The following VWC2 variants were observed in gnomAD, a reference collection of about 807,000 sequenced individuals.
VWC2 encodes the protein brorin.
In VWC2, 14 loss-of-function variants were observed where a neutral mutation model predicts 29.8. The ratio of observed to expected loss-of-function variants is 0.47; its 90% CI spans 0.31 to 0.74. VWC2 has a LOEUF of 0.74. Among genes scored for constraint, VWC2 ranks in the 30% least tolerant of loss-of-function variants. VWC2 has a pLI of 0.05. For missense variants in VWC2, 457 were observed against 459.8 expected (o/e 0.99, Z 0.05); for synonymous variants, 213 against 199.0 (o/e 1.07, Z -0.59).
intron 3 of VWC2, among the ~76,000 whole-genome samples, chr7:49,840,927 G>A (rs926454900): frequency 9.9e-5 from 15 of 152,082 alleles, no homozygotes; most frequent in African/African-American, 1.9e-4. Context: ...CACTATAGTG[G>A]GTTAACATGA....
intron 3 of VWC2, among the ~76,000 whole-genome samples, chr7:49,849,774 CTT>C (rs1790101515): frequency 6.6e-6 from 1 of 152,172 alleles, no homozygotes; most frequent in Non-Finnish European, 1.5e-5. Flanking sequence ...GAGAGTCTGA[CTT>C]AATAAAAGTG....
chr7:49,795,889 G>A (rs1371066200), intron 2 of VWC2, among the ~76,000 whole-genome samples: 3 of 152,134 alleles, frequency 2.0e-5, no homozygotes, highest in African/African-American at 7.2e-5. Context: ...ACACATAGGG[G>A]TTAAGAACCT....
chr7:49,844,804 T>C (rs538759063), intron 3 of VWC2, among the ~76,000 whole-genome samples: 101 of 152,292 alleles, frequency 6.6e-4, no homozygotes, highest in African/African-American at 2.3e-3. Flanking sequence ...GCGATTCTCC[T>C]GTCTCAGCTT....
At chr7:49,872,915 C>CAAAAAAAAAAAAAAAAAAA (rs61473396) in intron 3 of VWC2, among the ~76,000 whole-genome samples, 15 of 33,958 alleles carry the variant, frequency 4.4e-4, no homozygotes, top group Non-Finnish European at 6.4e-4. Context: ...GACTTTGTCT[C>CAAAAAAAAAAAAAAAAAAA]AAAAAAAAAA....
intron 3 of VWC2, among the ~76,000 whole-genome samples, chr7:49,892,232 G>A (rs943968949): frequency 1.3e-5 from 2 of 151,450 alleles, no homozygotes; most frequent in African/African-American, 4.9e-5. Context: ...ATTTTTAGTA[G>A]AGACGGGGTT....
chr7:49,815,175 G>A (rs1299300164), intron 3 of VWC2, among the ~76,000 whole-genome samples: 2 of 152,178 alleles, frequency 1.3e-5, no homozygotes, highest in Admixed American at 6.5e-5. Context: ...GTCAAGCAAT[G>A]GTGCCTGCCT....
intron 3 of VWC2, among the ~76,000 whole-genome samples, chr7:49,865,158 T>C (rs565200023): frequency 4.6e-5 from 7 of 152,332 alleles, no homozygotes; most frequent in Middle Eastern, 3.4e-3. Context: ...TATAAGAATA[T>C]GCCAGTTCAG....
intron 3 of VWC2, among the ~76,000 whole-genome samples, chr7:49,858,205 G>GTA (rs1197164376): frequency 6.6e-6 from 1 of 152,028 alleles, no homozygotes; most frequent in Non-Finnish European, 1.5e-5. Flanking sequence ...GGTTTACTGG[G>GTA]TATATACCCA....
intron 3 of VWC2, among the ~76,000 whole-genome samples, chr7:49,824,151 TG>T (rs970893296): frequency 3.9e-5 from 6 of 152,218 alleles, no homozygotes; most frequent in African/African-American, 1.4e-4. Flanking sequence ...GCTTACTTTT[TG>T]GTCCTGTCTA....
chr7:49,836,420 C>G (rs879581770), intron 3 of VWC2, among the ~76,000 whole-genome samples: 40 of 146,694 alleles, frequency 2.7e-4, no homozygotes, highest in Non-Finnish European at 5.3e-4. Context: ...CTTGAGGTAG[C>G]GAGTTCAAAA....
At chr7:49,819,985 GA>G (rs1789229672) in intron 3 of VWC2, among the ~76,000 whole-genome samples, 1 of 152,148 alleles carries the variant, frequency 6.6e-6, no homozygotes, top group African/African-American at 2.4e-5. Flanking sequence ...CCTATTTTGG[GA>G]GGTGTATTTT....
chr7:49,858,403 T>C (rs142732438), intron 3 of VWC2, among the ~76,000 whole-genome samples: 4,404 of 152,070 alleles, frequency 0.029, 175 homozygotes, highest in South Asian at 0.12. Context: ...ATGTCCTTTG[T>C]AGGGACATGG....
intron 3 of VWC2, 116 bp from the exon 4 acceptor site, chr7:49,911,918 T>TACGCACAC: frequency 4.5e-6 from 1 of 222,948 alleles, no homozygotes. Flanking sequence ...AACAAACAAA[T>TACGCACAC]ACACGCACAC....
Position 49,808,684 on chromosome 7 carries a change from A to G in VWC2, c.826+5844A>G, listed in dbSNP as rs140894570. Among the ~76,000 whole-genome samples, 354 of 152,182 alleles carry G rather than the reference A, an allele frequency of 2.3e-3. 2 individuals carry two copies. The highest frequency in any genetic ancestry group is 8.3e-3 in the African/African-American group (345 of 41,582). Reference sequence around the variant, plus strand: ...ATCATATAAAGTTTCTTTTTTGAACACAACAGAATTTGAAAGGATTAAATT... The same window carrying G: ...ATCATATAAAGTTTCTTTTTTGAACGCAACAGAATTTGAAAGGATTAAATT... On this transcript the variant is annotated intron_variant, in intron 3 of 3. Coordinates refer to ENST00000340652, the MANE Select transcript of VWC2 (RefSeq NM_198570.5).
At chr7:49,868,681 G>A (rs1236204421) in intron 3 of VWC2, among the ~76,000 whole-genome samples, 3 of 152,146 alleles carry the variant, frequency 2.0e-5, no homozygotes, top group South Asian at 2.1e-4. Context: ...GCAATGGCAC[G>A]ATCTTGGCTC....
intron 3 of VWC2, among the ~76,000 whole-genome samples, chr7:49,816,795 G>C (rs1048841393): frequency 9.8e-5 from 15 of 152,310 alleles, no homozygotes; most frequent in African/African-American, 3.6e-4. Context: ...TTTGGAGCTA[G>C]ACTGGCACAT....
At chr7:49,845,514 A>T (rs1412397482) in intron 3 of VWC2, among the ~76,000 whole-genome samples, 1 of 152,208 alleles carries the variant, frequency 6.6e-6, no homozygotes, top group African/African-American at 2.4e-5. Context: ...TGGTGAAGGA[A>T]TATATCTGAG....
intron 2 of VWC2, among the ~76,000 whole-genome samples, chr7:49,800,339 G>C (rs1788709785): frequency 1.3e-5 from 2 of 152,214 alleles, no homozygotes; most frequent in South Asian, 4.1e-4. Context: ...TGGTCCTGCT[G>C]TATTCCAGGG....
chr7:49,867,290 A>T (rs1790937678), intron 3 of VWC2, among the ~76,000 whole-genome samples: 1 of 152,216 alleles, frequency 6.6e-6, no homozygotes, highest in South Asian at 2.1e-4. Flanking sequence ...AGATTTTTTC[A>T]TTCCTGAAGA....
Sources: gnomAD v4.1 joint callset for allele counts (sites outside exome capture counted in the v4.1 genomes callset) on GRCh38, gnomAD v4.1.1 for gene constraint, MANE v1.5 for transcripts, NCBI Gene and HGNC (gene_info 2026-07-23, HGNC 2026-07-21) for gene names.